Variants in SOCS7 observed in about 807,000 individuals in gnomAD.
SOCS7 encodes suppressor of cytokine signaling 7, also known as NAP-4.
In SOCS7, 18 loss-of-function variants were observed where a neutral mutation model predicts 58.9. The ratio of observed to expected loss-of-function variants is 0.31; its 90% confidence interval spans 0.21 to 0.45. The LOEUF (loss-of-function observed/expected upper bound fraction) is 0.45. Among genes scored for constraint, SOCS7 ranks in the 20% least tolerant of loss-of-function variants. SOCS7 has a pLI of 1.00. For synonymous variants in SOCS7, 388 were observed against 364.3 expected (o/e 1.06, Z -0.74); for missense variants, 667 against 837.3 (o/e 0.80, Z 2.51).
intron 6 of SOCS7, among the ~76,000 whole-genome samples, chr17:38,368,507 T>A (rs1411100726): frequency 2.2e-5 from 2 of 89,764 alleles, no homozygotes; most frequent in Admixed American, 9.2e-5. Context: ...AATTTCTTTC[T>A]TTTTTTTTTT....
At position 38,359,779 on chromosome 17, in the gene SOCS7, A is replaced by AT. The variant is rs2144319119; in HGVS notation, c.981-1930dup. On this transcript the variant is annotated intron_variant, in intron 1 of 9. Coordinates refer to ENST00000612932, the MANE Select transcript of SOCS7 (RefSeq NM_014598.4). ...TATTATTTTTTTAAAAAAATTTTTA[A>AT]TTAAAAAAAATTTTTTTTTGAGACA... Among the ~76,000 whole-genome samples, 3 of 150,538 alleles carry AT rather than the reference A, an allele frequency of 2.0e-5. No individual in the cohort carries two copies. In the South Asian group the frequency reaches 6.3e-4, roughly 31 times the overall value.
chr17:38,368,888 T>C (rs1224875607), intron 6 of SOCS7, among the ~76,000 whole-genome samples: 1 of 152,206 alleles, frequency 6.6e-6, no homozygotes, highest in Non-Finnish European at 1.5e-5. Context: ...ATTAAAATGT[T>C]GAGAGTTTGT....
chr17:38,352,832 G>T lies in SOCS7; in HGVS notation c.780G>T (p.Gly260=), dbSNP rs775439842. 9.6e-6 allele frequency: 15 copies of T among 1,567,542 alleles called. No individual in the cohort carries two copies. Among genetic ancestry groups the T allele is most frequent in the Admixed American group, 1.8e-5 (1 of 54,236 alleles). Residue 260 remains glycine (G), a synonymous_variant, in exon 1 of 10, where the codon GGG becomes GGT. Coordinates refer to ENST00000612932, the MANE Select transcript of SOCS7 (RefSeq NM_014598.4). This position sits in a 1 kb window ranked among gnomAD's most constrained non-coding sequence, Gnocchi z 5.5. ...QQPPPPPPPP[G]PLRPLAGPSR... is the part of the protein sequence containing the mutation. ...CTCCCCCGCCCCCGCCTCCTCCCGG[G>T]CCCCTCCGGCCACTCGCGGGTCCTT...
chr17:38,359,514 A>G (rs2037686461), intron 1 of SOCS7, among the ~76,000 whole-genome samples: 1 of 152,202 alleles, frequency 6.6e-6, no homozygotes, highest in South Asian at 2.1e-4. Context: ...CAGTGTTAAA[A>G]CATAAATGCA....
intron 6 of SOCS7, among the ~76,000 whole-genome samples, chr17:38,368,703 TG>T (rs2037823564): frequency 6.6e-6 from 1 of 152,186 alleles, no homozygotes; most frequent in Non-Finnish European, 1.5e-5. Flanking sequence ...TGTTTTATTC[TG>T]TTGGCCAGGC....
intron 1 of SOCS7, among the ~76,000 whole-genome samples, chr17:38,361,307 C>T (rs931765913): frequency 6.6e-6 from 1 of 152,240 alleles, no homozygotes; most frequent in African/African-American, 2.4e-5. Flanking sequence ...ATAGGCAAGC[C>T]CAGAGGGAAA....
At chr17:38,387,444 CA>C (rs2038088483) in intron 7 of SOCS7, among the ~76,000 whole-genome samples, 1 of 139,292 alleles carries the variant, frequency 7.2e-6, no homozygotes, top group Non-Finnish European at 1.5e-5. Flanking sequence ...GACTCTGTCT[CA>C]AAAAAATATA....
chr17:38,352,188 C>G lies in SOCS7; in HGVS notation c.136C>G (p.Pro46Ala). 1 of 1,304,428 alleles carries G rather than the reference C, an allele frequency of 7.7e-7. No individual in the cohort carries two copies. Among genetic ancestry groups the G allele is most frequent in the South Asian group, 2.4e-5 (1 of 42,386 alleles). The allele number at this position is 1,304,428 out of a possible 1,614,324, so 80.8% of individuals were successfully genotyped here. ...GCCACCGCCCCCGGGCCATGGCCCC[C>G]CGCCGCCACCCTTCCTCGCGCGGCC... Reference protein sequence around the residue: ...PPPPPPGHGPPPPPFLARPGP... With the variant: ...PPPPPPGHGPAPPPFLARPGP... Residue 46 changes from proline to alanine, a missense_variant, in exon 1 of 10, where the codon CCG becomes GCG. Coordinates refer to ENST00000612932, the MANE Select transcript of SOCS7 (RefSeq NM_014598.4). The surrounding 1 kb of genome is among the most constrained non-coding windows in gnomAD (Gnocchi z 5.5).
chr17:38,387,153 G>GTATGTATAT (rs2038086241), intron 7 of SOCS7, among the ~76,000 whole-genome samples: 1 of 92,290 alleles, frequency 1.1e-5, no homozygotes, highest in African/African-American at 5.0e-5. Context: ...ATATATATAT[G>GTATGTATAT]ATTAATTCAG....
chr17:38,352,844 A>G lies in SOCS7; in HGVS notation c.792A>G (p.Pro264=). 6.3e-7 allele frequency: 1 copy of G among 1,576,708 alleles called. No individual in the cohort carries two copies. Among genetic ancestry groups the G allele is most frequent in the Non-Finnish European group, 8.6e-7 (1 of 1,161,654 alleles). ...PPPPPPGPLR[P]LAGPSRKGSF... is the part of the protein sequence containing the mutation. The stretch of plus-strand genomic sequence containing the variant: ...CGCCTCCTCCCGGGCCCCTCCGGCC[A>G]CTCGCGGGTCCTTCTCGGAAGGGCT... The change falls in exon 1 of 10, where the codon CCA becomes CCG. Residue 264 remains proline (P), a synonymous_variant. Coordinates refer to ENST00000612932, the MANE Select transcript of SOCS7 (RefSeq NM_014598.4). The surrounding 1 kb of genome is among the most constrained non-coding windows in gnomAD (Gnocchi z 5.5).
At chr17:38,369,333 T>G (rs922959522) in intron 6 of SOCS7, among the ~76,000 whole-genome samples, 3 of 152,196 alleles carry the variant, frequency 2.0e-5, no homozygotes, top group African/African-American at 7.2e-5. Flanking sequence ...AGGCAGGAAG[T>G]AGCTGTTTAG....
At position 38,395,332 on chromosome 17, in the gene SOCS7, C is replaced by T; in HGVS notation, c.1705C>T (p.Leu569=). ...AGGACTGCCACCAACTCCTGTCCAGCTGCTCTATCCAGTGTCCCGATTCAG... is the reference window on the plus strand; with the variant it reads ...AGGACTGCCACCAACTCCTGTCCAGTTGCTCTATCCAGTGTCCCGATTCAG... ...VPGLPPTPVQ[L]LYPVSRFSNV... The change falls in exon 8 of 10, where the codon CTG becomes TTG. Residue 569 remains leucine, a synonymous_variant. Transcript: ENST00000612932. 1.2e-6 allele frequency: 2 copies of T among 1,614,146 alleles called. No individual in the cohort carries two copies. Among genetic ancestry groups the T allele is most frequent in the Non-Finnish European group, 1.7e-6 (2 of 1,179,990 alleles).
At chr17:38,388,443 C>T (rs986053796) in intron 7 of SOCS7, among the ~76,000 whole-genome samples, 2 of 152,012 alleles carry the variant, frequency 1.3e-5, no homozygotes, top group Non-Finnish European at 2.9e-5. Flanking sequence ...TGCTTGAACC[C>T]AGGAGGCAGA....
intron 1 of SOCS7, among the ~76,000 whole-genome samples, chr17:38,354,861 T>C (rs2037613009): frequency 6.6e-6 from 1 of 152,256 alleles, no homozygotes; most frequent in Non-Finnish European, 1.5e-5. Flanking sequence ...AATTAGCTGC[T>C]ACGTCTAATA....
intron 7 of SOCS7, among the ~76,000 whole-genome samples, chr17:38,385,112 G>C (rs1331605323): frequency 7.5e-6 from 1 of 133,650 alleles, no homozygotes; most frequent in Non-Finnish European, 1.6e-5. Context: ...TGGTCAGGTT[G>C]GTCTTGAACT....
intron 7 of SOCS7, among the ~76,000 whole-genome samples, chr17:38,384,238 C>T (rs575482698): frequency 2.0e-5 from 3 of 152,192 alleles, no homozygotes; most frequent in Non-Finnish European, 4.4e-5. Flanking sequence ...GCCACTCCTG[C>T]CCTGTTTGTA....
intron 8 of SOCS7, 43 bp from the exon 9 acceptor site, chr17:38,395,804 TG>T: frequency 1.9e-6 from 3 of 1,590,536 alleles, no homozygotes; most frequent in Non-Finnish European, 2.6e-6. Context: ...TTTTATATTT[TG>T]TATAAAAACC....
intron 3 of SOCS7, 68 bp from the exon 4 acceptor site, chr17:38,365,240 C>T (rs1597689071): frequency 1.7e-6 from 2 of 1,211,344 alleles, no homozygotes. Context: ...TTCTCCCTCT[C>T]CTCTGCCTTC....
intron 7 of SOCS7, among the ~76,000 whole-genome samples, chr17:38,387,109 A>ATATATATATATATGTGTGTG (rs2038081133): frequency 1.0e-5 from 1 of 99,408 alleles, no homozygotes; most frequent in Non-Finnish European, 1.8e-5. Flanking sequence ...AAAAATATAT[A>ATATATATATATATGTGTGTG]TATATATATA....
Sources: allele counts gnomAD v4.1 joint callset (sites outside exome capture counted in the v4.1 genomes callset), GRCh38; gene constraint gnomAD v4.1.1; non-coding constraint Gnocchi (gnomAD v3.1); transcripts MANE v1.5; gene names NCBI Gene and HGNC (gene_info 2026-07-23, HGNC 2026-07-21).